The following CNST variants were observed in gnomAD, a reference collection of about 807,000 sequenced individuals.
The protein encoded by CNST is consortin.
Under a neutral mutation model 72.4 loss-of-function variants are expected in CNST, and 39 were observed. The ratio of observed to expected loss-of-function variants is 0.54; its 90% CI spans 0.42 to 0.70. The LOEUF (loss-of-function observed/expected upper bound fraction) is 0.70. CNST is among the 30% of genes least tolerant of loss of function. The pLI is 0.00. For synonymous variants in CNST, 332 were observed against 320.1 expected (o/e 1.04, Z -0.40); for missense variants, 871 against 868.5 (o/e 1.00, Z -0.04).
chr1:246,566,529 G>C lies in CNST; in HGVS notation c.-186G>C, dbSNP rs1254126074. ...AGAGGGAGGCGGGGCGGAAAGGCGA[G>C]AGGTGTCTCCTCCACCGGAGCCAGG... On this transcript the variant is annotated 5_prime_UTR_variant, in exon 1 of 11. Transcript: ENST00000366513. 3 of 432,194 alleles carry C rather than the reference G, an allele frequency of 6.9e-6. No individual in the cohort carries two copies. Among genetic ancestry groups the C allele is most frequent in the Admixed American group, 7.7e-5 (2 of 26,142 alleles). The allele number at this position is 432,194 out of a possible 1,614,324, so 26.8% of individuals were successfully genotyped here. A position where few individuals can be genotyped will look rare whatever the true frequency, so the allele number is the denominator to read the frequency against.
intron 2 of CNST, chr1:246,606,290 A>G (rs994325547): frequency 2.0e-5 from 3 of 151,838 alleles, no homozygotes; most frequent in African/African-American, 7.3e-5. Context: ...AGCGTTTTAA[A>G]TCCCCCTAAA....
At chr1:246,596,319 G>T (rs1572145615) in intron 2 of CNST, among the ~76,000 whole-genome samples, 1 of 151,678 alleles carries the variant, frequency 6.6e-6, no homozygotes, top group East Asian at 1.9e-4. Flanking sequence ...GGAGGCTGAG[G>T]TGGGAGGATC....
intron 10 of CNST, among the ~76,000 whole-genome samples, chr1:246,664,381 G>A (rs904825788): frequency 1.2e-4 from 19 of 152,044 alleles, no homozygotes; most frequent in African/African-American, 4.1e-4. Flanking sequence ...GGCCGTCCTG[G>A]TTTACACCTG....
At chr1:246,576,454 AATTGTGT>A (rs1660439830) in intron 1 of CNST, among the ~76,000 whole-genome samples, 1 of 60,462 alleles carries the variant, frequency 1.7e-5, no homozygotes, top group Admixed American at 1.7e-4. Context: ...GTTTTGGTTT[AATTGTGT>A]TAGAGTTAGA....
At chr1:246,648,783 G>C (rs989973424) in intron 9 of CNST, among the ~76,000 whole-genome samples, 14 of 152,100 alleles carry the variant, frequency 9.2e-5, no homozygotes, top group Non-Finnish European at 1.8e-4. Flanking sequence ...TAGGATACTA[G>C]CTGCCTTTCC....
Position 246,660,187 on chromosome 1 carries a change from A to C in CNST, c.1837-12A>C, listed in dbSNP as rs1667011404. ...TAATAAAAGAATTATAGGTTCTTATAATTTCTGACAGGTTGTTCCTACTGA... is the reference window on the plus strand; with the variant it reads ...TAATAAAAGAATTATAGGTTCTTATCATTTCTGACAGGTTGTTCCTACTGA... On this transcript the variant is annotated splice_polypyrimidine_tract_variant and intron_variant, in intron 9 of 10. Coordinates refer to ENST00000366513, the MANE Select transcript of CNST (RefSeq NM_152609.3). 1.3e-6 allele frequency: 2 copies of C among 1,596,914 alleles called. No homozygotes were observed. Among genetic ancestry groups the C allele is most frequent in the Non-Finnish European group, 1.7e-6 (2 of 1,173,696 alleles).
rs529554497 is a variant in CNST, at chr1:246,612,658, G to A, written c.380-8771G>A. Among the ~76,000 whole-genome samples the A allele has an allele frequency of 5.9e-5, 9 of 152,222 alleles. 1 individual carries two copies. Among genetic ancestry groups the A allele is most frequent in the East Asian group, 3.9e-4 (2 of 5,182 alleles). ...TCCTAGCACTTTGGGAGGCCAAGGCGGGCAGATTGCTTAAGCCCAGGAATT... is the reference window on the plus strand; with the variant it reads ...TCCTAGCACTTTGGGAGGCCAAGGCAGGCAGATTGCTTAAGCCCAGGAATT... On this transcript the variant is annotated intron_variant, in intron 2 of 10. Transcript: ENST00000366513.
intron 3 of CNST, among the ~76,000 whole-genome samples, chr1:246,622,041 C>T (rs1164945668): frequency 6.6e-6 from 1 of 152,132 alleles, no homozygotes; most frequent in Non-Finnish European, 1.5e-5. Context: ...AATGCAATCT[C>T]TGTAAAATTG....
chr1:246,644,593 G>A (rs560305004), intron 8 of CNST, among the ~76,000 whole-genome samples: 1 of 152,274 alleles, frequency 6.6e-6, no homozygotes, highest in Admixed American at 6.5e-5. Context: ...TTGTGCGGTG[G>A]CTCCAGCAGG....
At chr1:246,656,416 A>AT (rs1244175979) in intron 9 of CNST, among the ~76,000 whole-genome samples, 1 of 152,044 alleles carries the variant, frequency 6.6e-6, no homozygotes, top group Admixed American at 6.6e-5. Context: ...GCCAGATGGA[A>AT]TTTTTTTTAA....
chr1:246,605,528 G>T (rs1662672742), intron 2 of CNST, among the ~76,000 whole-genome samples: 1 of 152,216 alleles, frequency 6.6e-6, no homozygotes. Context: ...GCCTAAAATG[G>T]CGTCAGCGCC....
intron 1 of CNST, among the ~76,000 whole-genome samples, chr1:246,573,719 T>G (rs1660205050): frequency 1.3e-5 from 2 of 152,232 alleles, no homozygotes; most frequent in African/African-American, 4.8e-5. Flanking sequence ...AACACTTATC[T>G]GGGCTGAGGA....
intron 6 of CNST, among the ~76,000 whole-genome samples, chr1:246,637,106 G>T (rs1236671953): frequency 1.3e-5 from 2 of 152,210 alleles, no homozygotes; most frequent in South Asian, 2.1e-4. Flanking sequence ...AAAATTTTTT[G>T]GTTAATTTCA....
rs903279475 is a variant in CNST at position 246,571,670 on chromosome 1, A to C, written c.-52+5007A>C. 4.4e-4 allele frequency among the ~76,000 whole-genome samples: 67 copies of C among 152,080 alleles called. 4 individuals carry two copies. ...AAAAATTCTGAAACAGTAAATGGTA[A>C]ATTTTGTCATATTTATTTACTTATT... On this transcript the variant is annotated intron_variant, in intron 1 of 10. Transcript: ENST00000366513.
intron 2 of CNST, among the ~76,000 whole-genome samples, chr1:246,620,901 A>G (rs1248564522): frequency 6.6e-6 from 1 of 152,194 alleles, no homozygotes; most frequent in South Asian, 2.1e-4. Context: ...TCTGGGCACT[A>G]CAGGGAGGAT....
At chr1:246,648,654 C>T (rs770930114) in intron 9 of CNST, among the ~76,000 whole-genome samples, 49 of 152,250 alleles carry the variant, frequency 3.2e-4, no homozygotes, top group African/African-American at 7.0e-4. Flanking sequence ...CTCACGAAGG[C>T]GGCCTGGTGT....
At position 246,651,678 on chromosome 1, in the gene CNST, AC is replaced by A. The variant is rs1666454623; in HGVS notation, c.1836+3644del. ...GTCTAGGTTTGGAAAGCTTTTTCAAACCCAGTAATTTGCTATGTAAAGTGAT... is the reference window on the plus strand; with the variant it reads ...GTCTAGGTTTGGAAAGCTTTTTCAAACCAGTAATTTGCTATGTAAAGTGAT... On this transcript the variant is annotated intron_variant, in intron 9 of 10. Transcript: ENST00000366513. Among the ~76,000 whole-genome samples, 3 of 152,230 alleles carry A rather than the reference AC, an allele frequency of 2.0e-5. No homozygotes were observed. The East Asian group carries it at 5.8e-4, about 29-fold the overall frequency.
chr1:246,576,170 G>A, intron 1 of CNST, among the ~76,000 whole-genome samples: 1 of 136,636 alleles, frequency 7.3e-6, no homozygotes, highest in Non-Finnish European at 1.5e-5. Flanking sequence ...GGGAGGTGGA[G>A]CTTGCAGTGA....
intron 1 of CNST, among the ~76,000 whole-genome samples, chr1:246,567,048 G>T: frequency 7.3e-6 from 1 of 137,536 alleles, no homozygotes; most frequent in South Asian, 2.4e-4. Flanking sequence ...CCCCACACCT[G>T]GTCCCCCCCA....
Sources: allele counts gnomAD v4.1 joint callset (sites outside exome capture counted in the v4.1 genomes callset), GRCh38; gene constraint gnomAD v4.1.1; transcripts MANE v1.5; gene names NCBI Gene and HGNC (gene_info 2026-07-23, HGNC 2026-07-21).